The following ARHGEF10 variants were observed in gnomAD, a reference collection of about 807,000 sequenced individuals.
ARHGEF10 encodes Rho guanine nucleotide exchange factor 10, also known as Rho guanine nucleotide exchange factor (GEF) 10.
In ARHGEF10, 140 loss-of-function variants were observed where a neutral mutation model predicts 147.4. The observed-to-expected ratio is 0.95, with a 90% CI of 0.83 to 1.09. ARHGEF10 has a LOEUF of 1.09. Ranked by LOEUF, ARHGEF10 falls within the 50% of genes least tolerant of loss-of-function variation. ARHGEF10 has a pLI of 0.00. For missense variants in ARHGEF10, 2,222 were observed against 1,752.7 expected (o/e 1.27, Z -4.78); for synonymous variants, 902 against 695.8 (o/e 1.30, Z -4.67).
chr8:1,934,634 C>T (rs955208558), intron 26 of ARHGEF10, among the ~76,000 whole-genome samples: 7 of 152,172 alleles, frequency 4.6e-5, no homozygotes, highest in African/African-American at 1.7e-4. Context: ...AAGTGGGCAG[C>T]CGTTTGGAAA....
At chr8:1,872,840 C>G (rs1483479898) in intron 7 of ARHGEF10, among the ~76,000 whole-genome samples, 2 of 152,188 alleles carry the variant, frequency 1.3e-5, no homozygotes, top group African/African-American at 2.4e-5. Context: ...TGGAGGTGTG[C>G]CTGCTGTCAT....
At chr8:1,844,397 T>TCCAGGGGTCCCCGGGGCCTGGTGGAC (rs1394589806) in intron 2 of ARHGEF10, among the ~76,000 whole-genome samples, 1 of 21,786 alleles carries the variant, frequency 4.6e-5, no homozygotes, top group Admixed American at 4.4e-4. Flanking sequence ...GCCTGGTAGA[T>TCCAGGGGTCCCCGGGGCCTGGTGGAC]GACAGAGACG....
In ARHGEF10 at chr8:1,860,064, G is replaced by T; in HGVS notation, c.361G>T (p.Val121Leu). The T allele has an allele frequency of 6.2e-7, 1 of 1,614,130 alleles. No individual in the cohort carries two copies. Among genetic ancestry groups the T allele is most frequent in the Non-Finnish European group, 8.5e-7 (1 of 1,180,018 alleles). ...SAEEENVGLHVPCGYLVPVPC... is the reference protein window; with the variant it reads ...SAEEENVGLHLPCGYLVPVPC... Reference sequence around the variant, plus strand: ...TGAGGAGGAGAATGTGGGTCTCCATGTGCCCTGCGGGTACTTGGTGCCTGT... The same window carrying T: ...TGAGGAGGAGAATGTGGGTCTCCATTTGCCCTGCGGGTACTTGGTGCCTGT... The change falls in exon 4 of 29, where the codon GTG becomes TTG. Residue 121 changes from valine to leucine, a missense_variant. Physicochemically the swap from Val to Leu is conservative, Grantham distance 32 (BLOSUM62 1). Coordinates refer to ENST00000349830, the MANE Select transcript of ARHGEF10 (RefSeq NM_014629.4).
At chr8:1,884,339 T>C (rs1229747039) in intron 10 of ARHGEF10, among the ~76,000 whole-genome samples, 1 of 149,172 alleles carries the variant, frequency 6.7e-6, no homozygotes, top group East Asian at 2.0e-4. Flanking sequence ...GAGCTTGCAG[T>C]GAGCCGAGAT....
chr8:1,893,070 T>C (rs570785437), intron 11 of ARHGEF10, among the ~76,000 whole-genome samples: 1 of 140,934 alleles, frequency 7.1e-6, no homozygotes, highest in East Asian at 2.0e-4. Flanking sequence ...AGGTAGATCT[T>C]TGGATGGTTG....
intron 11 of ARHGEF10, among the ~76,000 whole-genome samples, chr8:1,888,213 CGAGGGTTGCGAGGAGACAGTGAG>C: frequency 3.8e-5 from 1 of 26,372 alleles, no homozygotes; most frequent in Middle Eastern, 0.029. Context: ...CTTAGTGGGG[CGAGGGTTGCGAGGAGACAGTGAG>C]TGTGGTGAGG....
intron 6 of ARHGEF10, among the ~76,000 whole-genome samples, chr8:1,868,968 A>T (rs1806851323): frequency 6.6e-6 from 1 of 152,170 alleles, no homozygotes; most frequent in African/African-American, 2.4e-5. Context: ...ATTCTGCCCT[A>T]AAAATAATGC....
chr8:1,904,737 G>C lies in ARHGEF10; in HGVS notation c.1822-834G>C, dbSNP rs1480893640. On this transcript the variant is annotated intron_variant, in intron 16 of 28. Transcript: ENST00000349830. ...CAGGGAGGCGGGTGTCTCGCTGGTTGCTCAGAGCTGGGCAGCAGCGTAGGT... is the reference window on the plus strand; with the variant it reads ...CAGGGAGGCGGGTGTCTCGCTGGTTCCTCAGAGCTGGGCAGCAGCGTAGGT... Among the ~76,000 whole-genome samples, 5 of 152,178 alleles carry C rather than the reference G, an allele frequency of 3.3e-5. No homozygotes were observed. The East Asian group carries it at 9.6e-4, about 29-fold the overall frequency.
chr8:1,898,738 A>T (rs888034464), intron 15 of ARHGEF10, among the ~76,000 whole-genome samples: 2 of 152,094 alleles, frequency 1.3e-5, no homozygotes, highest in African/African-American at 4.8e-5. Context: ...AGTGCCTGCG[A>T]GGCCAGCCTT....
chr8:1,839,276 GAA>G (rs1803793214), intron 1 of ARHGEF10, among the ~76,000 whole-genome samples: 1 of 150,192 alleles, frequency 6.7e-6, no homozygotes, highest in African/African-American at 2.5e-5. Context: ...GTCTGGTGTG[GAA>G]GCTGTCTGGT....
In ARHGEF10 at chr8:1,866,571, C is replaced by G. The variant is rs2272708; in HGVS notation, c.591C>G (p.Ala197=). 3.2e-5 allele frequency: 51 copies of G among 1,608,072 alleles called. No homozygotes were observed. In the South Asian group the frequency reaches 5.1e-4, roughly 16 times the overall value. The change falls in exon 6 of 29, where the codon GCC becomes GCG. Residue 197 remains alanine (A), a synonymous_variant. Coordinates refer to ENST00000349830, the MANE Select transcript of ARHGEF10 (RefSeq NM_014629.4). ...AGGACAGCGCACTTGCCCGCTGGGC[C>G]GCAGACCCGGCCAACACAGCCTGGA... The part of the protein sequence containing the change: ...GREDSALARW[A]ADPANTAWME...
chr8:1,945,571 T>C lies in ARHGEF10; in HGVS notation c.3313T>C (p.Ser1105Pro), dbSNP rs1353510401. The C allele has an allele frequency of 3.7e-6, 6 of 1,614,100 alleles. No individual in the cohort carries two copies. The highest frequency in any genetic ancestry group is 5.1e-6 in the Non-Finnish European group (6 of 1,180,044). The change falls in exon 27 of 29, where the codon TCC (serine) becomes CCC (proline). Residue 1105 changes from serine (S) to proline (P), a missense_variant. Ser to Pro is a moderately conservative substitution (Grantham distance 74, BLOSUM62 -1). Transcript: ENST00000349830. ...VGIWIAFTSG[S>P]TLRLFHTETL... ...GATCTGGATTGCCTTCACCTCAGGG[T>C]CCACGCTCCGCCTTTTTCACACGGA...
At position 1,889,376 on chromosome 8, in the gene ARHGEF10, TGTGAGGAGACAGTGATGTGAGGCATC is replaced by T. The variant is rs1809180397; in HGVS notation, c.1182+3670_1182+3695del. ...GAGACACTGAGTGGGGTGAGGGGTA[TGTGAGGAGACAGTGATGTGAGGCATC>T]TGTGAGGAGACACTGAGTGGGGTGA... On this transcript the variant is annotated intron_variant, in intron 11 of 28. Transcript: ENST00000349830. Among the ~76,000 whole-genome samples, 3 of 98,072 alleles carry T rather than the reference TGTGAGGAGACAGTGATGTGAGGCATC, an allele frequency of 3.1e-5. 1 individual carries two copies. The East Asian group carries it at 1.0e-3, about 34-fold the overall frequency. 64.3% of individuals were successfully genotyped at this position (98,072 alleles called of 152,430 possible). A position where few individuals can be genotyped will look rare whatever the true frequency, so the allele number is the denominator to read the frequency against.
At chr8:1,851,950 T>A (rs1377299851) in intron 2 of ARHGEF10, among the ~76,000 whole-genome samples, 1 of 151,406 alleles carries the variant, frequency 6.6e-6, no homozygotes, top group East Asian at 1.9e-4. Context: ...TGGAAATGAA[T>A]CTCTGCTGCA....
intron 1 of ARHGEF10, among the ~76,000 whole-genome samples, chr8:1,841,172 C>T (rs1026921301): frequency 6.6e-6 from 1 of 152,126 alleles, no homozygotes; most frequent in Non-Finnish European, 1.5e-5. Flanking sequence ...CTCAAGTCTC[C>T]CAACCAGTGG....
chr8:1,841,019 C>T (rs756903989), intron 1 of ARHGEF10, among the ~76,000 whole-genome samples: 2 of 152,176 alleles, frequency 1.3e-5, no homozygotes, highest in Non-Finnish European at 2.9e-5. Flanking sequence ...CCTCACTTGC[C>T]CCCTCTCCCG....
At chr8:1,840,207 C>T (rs1408952929) in intron 1 of ARHGEF10, among the ~76,000 whole-genome samples, 10 of 118,828 alleles carry the variant, frequency 8.4e-5, no homozygotes, top group South Asian at 6.0e-4. Context: ...GGAAGCTGTC[C>T]GATATGGGGA....
At position 1,903,277 on chromosome 8, in the gene ARHGEF10, G is replaced by T; in HGVS notation, c.1651-4G>T. On this transcript the variant is annotated splice_region_variant and splice_polypyrimidine_tract_variant and intron_variant, in intron 15 of 28. Coordinates refer to ENST00000349830, the MANE Select transcript of ARHGEF10 (RefSeq NM_014629.4). Reference sequence around the variant, plus strand: ...ACTGCCCACCTCTCCCCTGTTGCTTGTAGGACATGCTGAAGAACACCTCCA... The same window carrying T: ...ACTGCCCACCTCTCCCCTGTTGCTTTTAGGACATGCTGAAGAACACCTCCA... 6.2e-7 allele frequency: 1 copy of T among 1,614,074 alleles called. No individual in the cohort carries two copies. Among genetic ancestry groups the T allele is most frequent in the Non-Finnish European group, 8.5e-7 (1 of 1,180,024 alleles).
At chr8:1,830,173 G>C (rs1176911417) in intron 1 of ARHGEF10, among the ~76,000 whole-genome samples, 1 of 152,178 alleles carries the variant, frequency 6.6e-6, no homozygotes, top group Non-Finnish European at 1.5e-5. Context: ...AGGCAGGGGA[G>C]GGAGGCTGTG....
Sources: gnomAD v4.1 joint callset for allele counts (sites outside exome capture counted in the v4.1 genomes callset) on GRCh38, gnomAD v4.1.1 for gene constraint, MANE v1.5 for transcripts, NCBI Gene and HGNC (gene_info 2026-07-23, HGNC 2026-07-21) for gene names.